Variants in PLA2G4B observed in about 807,000 individuals in gnomAD.
PLA2G4B encodes the protein cytosolic phospholipase A2 beta.
Under a neutral mutation model 95.8 loss-of-function variants are expected in PLA2G4B, and 122 were observed. The ratio of observed to expected loss-of-function variants is 1.27; its 90% CI spans 1.10 to 1.48. The LOEUF (loss-of-function observed/expected upper bound fraction) is 1.48. Among genes scored for constraint, PLA2G4B ranks in the 40% most tolerant of loss-of-function variants. The pLI is 0.00. For synonymous variants in PLA2G4B, 518 were observed against 421.5 expected, an observed-to-expected ratio of 1.23 and a Z score of -2.80; for missense variants, 1,158 against 996.2, an observed-to-expected ratio of 1.16 and a Z score of -2.19.
intron 8 of PLA2G4B, 93 bp downstream of exon 8, chr15:41,842,042 A>G (rs1212389667): frequency 6.4e-7 from 1 of 1,560,006 alleles, no homozygotes; most frequent in African/African-American, 1.3e-5. Context: ...CACCTGGCAG[A>G]GTGGGCACCC....
chr15:41,840,555 G>A lies in PLA2G4B; in HGVS notation c.114G>A (p.Trp38Ter), dbSNP rs773012166. ...CCTCTGACTGCTACGTGACTCTCTG[G>A]CTGCCCACGGCCTGCAGCCACAGGC... ...VTPSDCYVTLWLPTACSHRLQ... is the reference protein window; with the variant it reads ...VTPSDCYVTL Residue 38 changes from tryptophan to a stop codon, truncating the protein, a stop_gained, in exon 3 of 20, where the codon TGG becomes TGA. Transcript: ENST00000458483. LOFTEE classifies it high-confidence loss of function. The A allele has an allele frequency of 4.3e-6, 7 of 1,613,862 alleles. No homozygotes were observed. Among genetic ancestry groups the A allele is most frequent in the Non-Finnish European group, 5.9e-6 (7 of 1,180,018 alleles).
Position 41,840,168 on chromosome 15 carries a change from C to G in PLA2G4B, c.20C>G (p.Ser7Cys), listed in dbSNP as rs764501222. ...CTCCCACCTCTGCAGGCAGAGGTGT[C>G]CAGGACCTGCCTGCTCACGGTTCGT... is the stretch of plus-strand genomic sequence containing the variant. The part of the protein sequence containing the change: MAVAEV[S>C]RTCLLTVRVL... Residue 7 changes from serine (S) to cysteine (C), a missense_variant, in exon 2 of 20, where the codon TCC becomes TGC. Physicochemically the swap from Ser to Cys is moderately radical, Grantham distance 112. Transcript: ENST00000458483. 3 of 1,613,216 alleles carry G rather than the reference C, an allele frequency of 1.9e-6. No homozygotes were observed. In the East Asian group the frequency reaches 6.7e-5, roughly 36 times the overall value.
At chr15:41,847,306 C>T (rs2065579659) in intron 18 of PLA2G4B, 31 bp from the exon 19 acceptor site, 2 of 1,567,546 alleles carry the variant, frequency 1.3e-6, no homozygotes, top group Non-Finnish European at 1.7e-6. Context: ...GGGGCCCTGT[C>T]CCTCTGAAGC....
intron 1 of PLA2G4B, chr15:41,839,785 A>C (rs1445498888): frequency 3.9e-5 from 9 of 233,750 alleles, no homozygotes; most frequent in Non-Finnish European, 7.6e-5. Flanking sequence ...GTGAGGCATA[A>C]ATCTGGAGCC....
Position 41,841,063 on chromosome 15 carries a change from G to A in PLA2G4B, c.360G>A (p.Gly120=), listed in dbSNP as rs1433257383. The change falls in exon 5 of 20, where the codon GGG becomes GGA. Residue 120 remains glycine, a synonymous_variant. Coordinates refer to ENST00000458483, the MANE Select transcript of PLA2G4B (RefSeq NM_001114633.2). ...TCTGGCTCTCTTCCCAGGGTGAGGG[G>A]CGCCTGGAAGTTGAATTTCGCCTGC... is the stretch of plus-strand genomic sequence containing the variant. ...ESFSLSPQGE[G]RLEVEFRLQS... 6.3e-7 allele frequency: 1 copy of A among 1,581,286 alleles called. No homozygotes were observed. The highest frequency in any genetic ancestry group is 8.6e-7 in the Non-Finnish European group (1 of 1,160,820).
At position 41,846,740 on chromosome 15, in the gene PLA2G4B, T is replaced by C; in HGVS notation, c.1852T>C (p.Tyr618His). The C allele has an allele frequency of 6.8e-6, 11 of 1,614,032 alleles. No individual in the cohort carries two copies. The highest frequency in any genetic ancestry group is 9.3e-6 in the Non-Finnish European group (11 of 1,179,978). Reference sequence around the variant, plus strand: ...CCACCTGTGCCTGCTGGATGTTGGCTACCTCATCAATACCAGCTGCCTGCC... The same window carrying C: ...CCACCTGTGCCTGCTGGATGTTGGCCACCTCATCAATACCAGCTGCCTGCC... ...EPHLCLLDVGYLINTSCLPLL... is the reference protein window; with the variant it reads ...EPHLCLLDVGHLINTSCLPLL... The change falls in exon 18 of 20, where the codon TAC (tyrosine) becomes CAC (histidine). Residue 618 changes from tyrosine (Y) to histidine (H), a missense_variant. By Grantham distance (83) the Tyr-to-His change is moderately conservative (BLOSUM62 2). Coordinates refer to ENST00000458483, the MANE Select transcript of PLA2G4B (RefSeq NM_001114633.2).
intron 17 of PLA2G4B, 61 bp downstream of exon 17, chr15:41,846,443 TACCCCTC>T (rs2065548095): frequency 6.4e-7 from 1 of 1,562,520 alleles, no homozygotes; most frequent in African/African-American, 1.4e-5. Flanking sequence ...CCAGTCCAGA[TACCCCTC>T]ACAGTCCACT....
chr15:41,842,296 G>A lies in PLA2G4B; in HGVS notation c.705+20G>A, dbSNP rs1183530321. The stretch of plus-strand genomic sequence containing the variant: ...TCCCAGGTACTGGCCTCCCAGGGAA[G>A]GAAGCAAGGCGCCTGGATGGGGCTG... On this transcript the variant is annotated intron_variant, in intron 9 of 19. Transcript: ENST00000458483. 2 of 1,613,324 alleles carry A rather than the reference G, an allele frequency of 1.2e-6. No homozygotes were observed. The highest frequency in any genetic ancestry group is 2.7e-5 in the African/African-American group (2 of 74,894).
In PLA2G4B at chr15:41,847,900, C is replaced by A; in HGVS notation, c.*40C>A. On this transcript the variant is annotated 3_prime_UTR_variant, in exon 20 of 20. Transcript: ENST00000458483. ...GCCACCCCTAACTCTCATTCATTCC[C>A]TGGCTGCTGAGTTGCAGGTGGGAAC... 6.3e-7 allele frequency: 1 copy of A among 1,589,106 alleles called. No individual in the cohort carries two copies. Among genetic ancestry groups the A allele is most frequent in the East Asian group, 2.3e-5 (1 of 43,796 alleles).
chr15:41,847,664 C>A lies in PLA2G4B; in HGVS notation c.2150C>A (p.Pro717His). Residue 717 changes from proline to histidine, a missense_variant, in exon 20 of 20, where the codon CCC (proline) becomes CAC (histidine). Transcript: ENST00000458483. ...EYSAPGVRRT[P>H]EEAAAGEVNL... ...CTCTCCACAGGGGTCCGGCGGACAC[C>A]CGAGGAGGCGGCAGCTGGGGAGGTG... 1 of 1,613,650 alleles carries A rather than the reference C, an allele frequency of 6.2e-7. No individual in the cohort carries two copies.
In PLA2G4B at chr15:41,841,857, T is replaced by C. The variant is rs1225000910; in HGVS notation, c.529T>C (p.Cys177Arg). The change falls in exon 8 of 20, where the codon TGT (cysteine) becomes CGT (arginine). Residue 177 changes from cysteine (C) to arginine (R), a missense_variant. By Grantham distance (180) the Cys-to-Arg change is radical. Coordinates refer to ENST00000458483, the MANE Select transcript of PLA2G4B (RefSeq NM_001114633.2). ...AGTTCAGCTTGTGGTTCCTGGGTCCTGTGAGGGTCCGCAGGAGGCCTCTGT... is the reference window on the plus strand; with the variant it reads ...AGTTCAGCTTGTGGTTCCTGGGTCCCGTGAGGGTCCGCAGGAGGCCTCTGT... ...HRVQLVVPGS[C>R]EGPQEASVGT... 1.2e-6 allele frequency: 2 copies of C among 1,613,436 alleles called. No homozygotes were observed. The highest frequency in any genetic ancestry group is 1.1e-5 in the South Asian group (1 of 90,940).
chr15:41,844,140 C>T (rs1015837843), intron 11 of PLA2G4B, among the ~76,000 whole-genome samples: 2 of 152,158 alleles, frequency 1.3e-5, no homozygotes, highest in African/African-American at 4.8e-5. Context: ...TAGCCTGGGC[C>T]GTCTCCTGGG....
At chr15:41,840,347 G>C in intron 2 of PLA2G4B, 117 bp downstream of exon 2, 2 of 1,572,994 alleles carry the variant, frequency 1.3e-6, no homozygotes, top group Non-Finnish European at 1.7e-6. Flanking sequence ...AGGGCCTAGA[G>C]GAGGGAGCTG....
rs749877257 is a variant in PLA2G4B at position 41,843,805 on chromosome 15, G to A, written c.873G>A (p.Glu291=). 8 of 1,613,778 alleles carry A rather than the reference G, an allele frequency of 5.0e-6. No individual in the cohort carries two copies. Among genetic ancestry groups the A allele is most frequent in the Non-Finnish European group, 6.8e-6 (8 of 1,179,904 alleles). The stretch of plus-strand genomic sequence containing the variant: ...TGCAGCTGGACGGAGACCTGCAGGA[G>A]GATGAGGTTTGGGGGCTGGGCTGGA... ...QALQLDGDLQ[E]DEIPVVAIMA... Residue 291 remains glutamate, a synonymous_variant, in exon 11 of 20, where the codon GAG becomes GAA. Transcript: ENST00000458483.
In PLA2G4B at chr15:41,841,840, T is replaced by C; in HGVS notation, c.512T>C (p.Leu171Pro). ...CCAGCCTCAGAGCACAGAGTTCAGC[T>C]TGTGGTTCCTGGGTCCTGTGAGGGT... is the stretch of plus-strand genomic sequence containing the variant. ...DQKSSEHRVQ[L>P]VVPGSCEGPQ... The change falls in exon 8 of 20, where the codon CTT (leucine) becomes CCT (proline). Residue 171 changes from leucine (L) to proline (P), a missense_variant. Leu to Pro is a moderately conservative substitution (Grantham distance 98, BLOSUM62 -3). Transcript: ENST00000458483. The C allele has an allele frequency of 6.2e-7, 1 of 1,613,658 alleles. No homozygotes were observed. The highest frequency in any genetic ancestry group is 8.5e-7 in the Non-Finnish European group (1 of 1,179,896).
chr15:41,842,203 A>T lies in PLA2G4B; in HGVS notation c.632A>T (p.Glu211Val). ...ELSIRLQDAP[E>V]EQLKAPLSAL... ...CTTTGTCCCCTGCAGGATGCCCCCG[A>T]GGAGCAACTAAAGGCGCCACTGAGT... Residue 211 changes from glutamate (E) to valine (V), a missense_variant, in exon 9 of 20, where the codon GAG (glutamate) becomes GTG (valine). Transcript: ENST00000458483. The T allele has an allele frequency of 6.2e-7, 1 of 1,613,960 alleles. No homozygotes were observed. Among genetic ancestry groups the T allele is most frequent in the Non-Finnish European group, 8.5e-7 (1 of 1,179,966 alleles).
At position 41,843,705 on chromosome 15, in the gene PLA2G4B, T is replaced by G; in HGVS notation, c.773T>G (p.Phe258Cys). Residue 258 changes from phenylalanine to cysteine, a missense_variant, in exon 11 of 20, where the codon TTC (phenylalanine) becomes TGC (cysteine). By Grantham distance (205) the Phe-to-Cys change is radical. Coordinates refer to ENST00000458483, the MANE Select transcript of PLA2G4B (RefSeq NM_001114633.2). ...GLRELAVRLG[F>C]GPCAEEQAFL... is the part of the protein sequence containing the mutation. ...AGGGAGCTGGCCGTGCGACTGGGCT[T>G]CGGGCCCTGTGCAGAGGAGCAGGCC... 6.2e-7 allele frequency: 1 copy of G among 1,613,870 alleles called. No homozygotes were observed. Among genetic ancestry groups the G allele is most frequent in the East Asian group, 2.2e-5 (1 of 44,872 alleles).
intron 12 of PLA2G4B, 107 bp downstream of exon 12, chr15:41,844,714 C>T: frequency 6.3e-7 from 1 of 1,584,604 alleles, no homozygotes; most frequent in Non-Finnish European, 8.6e-7. Flanking sequence ...AATGAATGTG[C>T]CAGGGAGAAA....
chr15:41,842,154 C>A, intron 8 of PLA2G4B, 39 bp from the exon 9 acceptor site: 1 of 1,611,240 alleles, frequency 6.2e-7, no homozygotes, highest in Middle Eastern at 1.7e-4. Context: ...GGAGTGGAAG[C>A]GTAAAGATTC....
Sources: allele counts gnomAD v4.1 joint callset (sites outside exome capture counted in the v4.1 genomes callset), GRCh38; gene constraint gnomAD v4.1.1; transcripts MANE v1.5; gene names NCBI Gene and HGNC (gene_info 2026-07-23, HGNC 2026-07-21).